Variants in CEP192 observed in about 807,000 individuals in gnomAD.
The protein encoded by CEP192 is centrosomal protein of 192 kDa.
In CEP192, 151 loss-of-function variants were observed where a neutral mutation model predicts 271.8. The observed-to-expected ratio is 0.56, with a 90% CI of 0.49 to 0.64. The LOEUF is 0.64. Among genes scored for constraint, CEP192 ranks in the 30% least tolerant of loss-of-function variants. The pLI is 0.00. For synonymous variants in CEP192, 995 were observed against 1,076.5 expected (o/e 0.92, Z 1.48); for missense variants, 2,910 against 3,020.5 (o/e 0.96, Z 0.86).
Position 13,069,766 on chromosome 18 carries a change from T to C in CEP192, c.5084T>C (p.Val1695Ala), listed in dbSNP as rs2037911427. 8.2e-6 allele frequency: 13 copies of C among 1,592,140 alleles called. No individual in the cohort carries two copies. The highest frequency in any genetic ancestry group is 1.1e-5 in the Non-Finnish European group (13 of 1,161,076). Residue 1695 changes from valine (V) to alanine (A), a missense_variant, in exon 27 of 45, where the codon GTG (valine) becomes GCG (alanine). By Grantham distance (64) the Val-to-Ala change is moderately conservative. Coordinates refer to ENST00000506447, the MANE Select transcript of CEP192 (RefSeq NM_032142.4). ...KVPEQGSHFS[V>A]DPKNLLLKPG... ...CCAGAACAAGGAAGTCACTTTTCAG[T>C]GGATCCAAAGAATCTACTCCTTAAA... is the stretch of plus-strand genomic sequence containing the variant.
chr18:13,115,951 G>C (rs1156789346), intron 42 of CEP192, among the ~76,000 whole-genome samples: 2 of 152,180 alleles, frequency 1.3e-5, no homozygotes, highest in Non-Finnish European at 2.9e-5. Context: ...CAGCTGTGCA[G>C]GGTTTGGGAA....
chr18:13,006,206 C>CT (rs2033970853), intron 3 of CEP192, among the ~76,000 whole-genome samples: 1 of 149,924 alleles, frequency 6.7e-6, no homozygotes, highest in Non-Finnish European at 1.5e-5. Context: ...AGGTAAGTTT[C>CT]TTTTTTTCTC....
chr18:13,027,774 A>G (rs772664468), intron 9 of CEP192, among the ~76,000 whole-genome samples: 17 of 151,782 alleles, frequency 1.1e-4, no homozygotes, highest in Non-Finnish European at 2.4e-4. Flanking sequence ...AGTTTTCCAC[A>G]TTATGTTTCT....
At chr18:13,050,580 T>C (rs1057404399) in intron 17 of CEP192, among the ~76,000 whole-genome samples, 1 of 151,724 alleles carries the variant, frequency 6.6e-6, no homozygotes, top group African/African-American at 2.4e-5. Context: ...AATTGCTTTT[T>C]TTTTTTTCTT....
At position 13,100,448 on chromosome 18, in the gene CEP192, C is replaced by T; in HGVS notation, c.6807C>T (p.Ser2269=). The T allele has an allele frequency of 5.0e-6, 8 of 1,614,096 alleles. No homozygotes were observed. Among genetic ancestry groups the T allele is most frequent in the Non-Finnish European group, 6.8e-6 (8 of 1,179,988 alleles). ...TCAAACCAATGACAAAACCGCCTTCCACAAAAGTTGAAATAAGAAACAAGA... is the reference window on the plus strand; with the variant it reads ...TCAAACCAATGACAAAACCGCCTTCTACAAAAGTTGAAATAAGAAACAAGA... ...HLVKPMTKPP[S]TKVEIRNKSI... Residue 2269 remains serine, a synonymous_variant, in exon 38 of 45, where the codon TCC becomes TCT. Transcript: ENST00000506447.
rs771417794 is a variant in CEP192 at position 13,049,549 on chromosome 18, C to T, written c.2758C>T (p.Leu920=). ...GAACCCCAGAATAACATCCCTTTGTCTGTTAAAAGACTGTGAAGAAATACG... is the reference window on the plus strand; with the variant it reads ...GAACCCCAGAATAACATCCCTTTGTTTGTTAAAAGACTGTGAAGAAATACG... The part of the protein sequence containing the change: ...VRNPRITSLC[L]LKDCEEIRDN... The change falls in exon 16 of 45, where the codon CTG becomes TTG. Residue 920 remains leucine, a synonymous_variant. Coordinates refer to ENST00000506447, the MANE Select transcript of CEP192 (RefSeq NM_032142.4). The T allele has an allele frequency of 1.2e-6, 2 of 1,613,886 alleles. No homozygotes were observed. Among genetic ancestry groups the T allele is most frequent in the Non-Finnish European group, 1.7e-6 (2 of 1,179,946 alleles).
intron 11 of CEP192, among the ~76,000 whole-genome samples, chr18:13,035,474 G>T (rs1388428324): frequency 6.6e-6 from 1 of 152,164 alleles, no homozygotes; most frequent in Non-Finnish European, 1.5e-5. Context: ...ATCAGATCTC[G>T]TGAGACTTAT....
intron 28 of CEP192, among the ~76,000 whole-genome samples, chr18:13,072,331 T>G (rs1400190600): frequency 6.6e-6 from 1 of 152,240 alleles, no homozygotes; most frequent in Non-Finnish European, 1.5e-5. Context: ...AAGACTACTT[T>G]GTGCAAATGA....
In CEP192 at chr18:13,017,259, G is replaced by A; in HGVS notation, c.712G>A (p.Gly238Arg). The change falls in exon 7 of 45, where the codon GGA (glycine) becomes AGA (arginine). Residue 238 changes from glycine to arginine, a missense_variant. Gly to Arg is a moderately radical substitution (Grantham distance 125). Transcript: ENST00000506447. ...EAYFEQLAIP[G>R]MIYEDLEGPE... ...TTATTTTGAACAACTGGCAATTCCA[G>A]GAATGATATATGAAGACCTAGAAGG... 1.3e-6 allele frequency: 2 copies of A among 1,550,092 alleles called. No individual in the cohort carries two copies.
chr18:13,117,377 CCTTTA>C (rs1251525746), intron 43 of CEP192, among the ~76,000 whole-genome samples: 22 of 152,046 alleles, frequency 1.4e-4, no homozygotes, highest in Non-Finnish European at 1.8e-4. Context: ...TTCTGGACAA[CCTTTA>C]CTTTAGTTAA....
chr18:13,047,939 TA>T (rs754179357), intron 15 of CEP192, among the ~76,000 whole-genome samples: 1 of 152,234 alleles, frequency 6.6e-6, no homozygotes, highest in African/African-American at 2.4e-5. Flanking sequence ...TGATGATTTT[TA>T]AAAAACAAAT....
Position 13,099,457 on chromosome 18 carries a change from T to G in CEP192, c.6558-19T>G. On this transcript the variant is annotated intron_variant, in intron 36 of 44. Coordinates refer to ENST00000506447, the MANE Select transcript of CEP192 (RefSeq NM_032142.4). Reference sequence around the variant, plus strand: ...AAAATGCAGGCTCTTTTTAATTTTCTTATTAATTTTTTTTAAAGGAGTAAA... The same window carrying G: ...AAAATGCAGGCTCTTTTTAATTTTCGTATTAATTTTTTTTAAAGGAGTAAA... 7.9e-7 allele frequency: 1 copy of G among 1,263,084 alleles called. No homozygotes were observed. The highest frequency in any genetic ancestry group is 1.1e-6 in the Non-Finnish European group (1 of 886,074). 78.2% of individuals were successfully genotyped at this position (1,263,084 alleles called of 1,614,324 possible). A position where few individuals can be genotyped will look rare whatever the true frequency, so the allele number is the denominator to read the frequency against.
intron 9 of CEP192, among the ~76,000 whole-genome samples, chr18:13,019,527 T>C (rs951102645): frequency 5.9e-5 from 9 of 152,190 alleles, no homozygotes; most frequent in Non-Finnish European, 1.3e-4. Flanking sequence ...TGTTTCAGTT[T>C]TTTCTGTTTG....
At chr18:13,102,250 T>G (rs1056243503) in intron 38 of CEP192, among the ~76,000 whole-genome samples, 5 of 152,020 alleles carry the variant, frequency 3.3e-5, no homozygotes, top group Non-Finnish European at 5.9e-5. Context: ...AGACAGGCCC[T>G]GAGACTCAGT....
chr18:13,022,932 A>G (rs2035075887), intron 9 of CEP192, among the ~76,000 whole-genome samples: 1 of 152,128 alleles, frequency 6.6e-6, no homozygotes, highest in Admixed American at 6.5e-5. Context: ...AACTTATTTC[A>G]TATGTGGGGG....
intron 28 of CEP192, 52 bp downstream of exon 28, chr18:13,071,264 A>C (rs2037997629): frequency 6.8e-7 from 1 of 1,479,618 alleles, no homozygotes; most frequent in Admixed American, 2.0e-5. Flanking sequence ...ATTTTGGAGC[A>C]GACTACAAAT....
At chr18:13,118,796 T>C (rs2040542708) in intron 44 of CEP192, among the ~76,000 whole-genome samples, 2 of 148,824 alleles carry the variant, frequency 1.3e-5, no homozygotes, top group African/African-American at 4.9e-5. Context: ...CGTCAGGTGT[T>C]AACATCATCA....
chr18:13,122,416 G>A (rs551493209), intron 44 of CEP192, among the ~76,000 whole-genome samples: 1 of 151,208 alleles, frequency 6.6e-6, no homozygotes. Flanking sequence ...GCGAGACACC[G>A]TCTCAAAAAA....
At chr18:13,046,156 G>A (rs2036467343) in intron 15 of CEP192, among the ~76,000 whole-genome samples, 1 of 152,144 alleles carries the variant, frequency 6.6e-6, no homozygotes, top group South Asian at 2.1e-4. Context: ...TGCAATCATG[G>A]CAGAAGGCGA....
Sources: allele counts gnomAD v4.1 joint callset (sites outside exome capture counted in the v4.1 genomes callset), GRCh38; gene constraint gnomAD v4.1.1; transcripts MANE v1.5; gene names NCBI Gene and HGNC (gene_info 2026-07-23, HGNC 2026-07-21).